ARHGAP28: variants seen among roughly 807,000 people sequenced by gnomAD.
ARHGAP28 encodes the protein rho GTPase-activating protein 28.
In ARHGAP28, 56 loss-of-function variants were observed where a neutral mutation model predicts 90.7. The ratio of observed to expected loss-of-function variants is 0.62; its 90% CI spans 0.50 to 0.77. ARHGAP28 has a LOEUF of 0.77. Ranked by LOEUF, ARHGAP28 falls within the 30% of genes least tolerant of loss-of-function variation. The pLI, the probability that ARHGAP28 is intolerant of heterozygous loss-of-function variation, is 0.00. For missense variants in ARHGAP28, 869 were observed against 900.9 expected (o/e 0.96, Z 0.45); for synonymous variants, 308 against 323.3 (o/e 0.95, Z 0.51).
chr18:6,900,710 C>T (rs189047165), intron 16 of ARHGAP28, among the ~76,000 whole-genome samples: 5 of 152,008 alleles, frequency 3.3e-5, no homozygotes, highest in East Asian at 1.9e-4. Context: ...ATACAATCAG[C>T]GTCCCAAAAG....
At chr18:6,848,002 A>T (rs1007844542) in intron 3 of ARHGAP28, among the ~76,000 whole-genome samples, 12 of 152,194 alleles carry the variant, frequency 7.9e-5, no homozygotes, top group African/African-American at 2.7e-4. Context: ...CATTTAAGCC[A>T]AGGAGCCCCA....
rs374848022 is a variant in ARHGAP28, at chr18:6,870,714, A to G, written c.936A>G (p.Lys312=). 7 of 1,608,762 alleles carry G rather than the reference A, an allele frequency of 4.4e-6. No homozygotes were observed. The African/African-American group carries it at 6.7e-5, about 15-fold the overall frequency. Residue 312 remains lysine, a synonymous_variant, in exon 7 of 18, where the codon AAA becomes AAG. Coordinates refer to ENST00000383472, the MANE Select transcript of ARHGAP28 (RefSeq NM_001366230.1). ...AACTTAAGAAATCAGAGATTAAGAA[A>G]GAAGACTATGTTTTAACTGTAAGCA... ...RNKLKKSEIK[K]EDYVLTKFNV...
intron 10 of ARHGAP28, among the ~76,000 whole-genome samples, chr18:6,879,311 C>G (rs1407544313): frequency 6.6e-6 from 1 of 152,136 alleles, no homozygotes; most frequent in East Asian, 1.9e-4. Context: ...CAAGGCTGTT[C>G]TAAATGTTTT....
At chr18:6,796,956 G>A (rs1008575753) in intron 1 of ARHGAP28, among the ~76,000 whole-genome samples, 1 of 152,104 alleles carries the variant, frequency 6.6e-6, no homozygotes, top group African/African-American at 2.4e-5. Context: ...TAGGTGAAGG[G>A]GTCTGTAAAC....
rs2056651726 is a variant in ARHGAP28, at chr18:6,824,952, A to G, written c.313A>G (p.Thr105Ala). 1 of 1,533,958 alleles carries G rather than the reference A, an allele frequency of 6.5e-7. No individual in the cohort carries two copies. The highest frequency in any genetic ancestry group is 2.0e-5 in the Admixed American group (1 of 50,700). The change falls in exon 2 of 18, where the codon ACA (threonine) becomes GCA (alanine). Residue 105 changes from threonine to alanine, a missense_variant. Transcript: ENST00000383472. ...GQEEPPPAEV[T>A]PVDEGELEAE... ...AGAAGAGCCACCGCCAGCTGAGGTC[A>G]CACCTGTGGATGGTAAGTTGCTGGA...
chr18:6,838,677 A>G (rs938196473), intron 3 of ARHGAP28, among the ~76,000 whole-genome samples: 9 of 152,244 alleles, frequency 5.9e-5, no homozygotes, highest in African/African-American at 2.2e-4. Flanking sequence ...AGTCACATGT[A>G]GCTTGTAGCT....
At position 6,882,122 on chromosome 18, in the gene ARHGAP28, T is replaced by G. The variant is rs2057183535; in HGVS notation, c.1291-15T>G. 2.5e-6 allele frequency: 4 copies of G among 1,604,566 alleles called. No homozygotes were observed. Among genetic ancestry groups the G allele is most frequent in the Non-Finnish European group, 3.4e-6 (4 of 1,174,898 alleles). On this transcript the variant is annotated splice_polypyrimidine_tract_variant and intron_variant, in intron 10 of 17. Coordinates refer to ENST00000383472, the MANE Select transcript of ARHGAP28 (RefSeq NM_001366230.1). Reference sequence around the variant, plus strand: ...AAAAGTGCATTGAATACTGACTGTTTTCCTTGATTTACAGCAATACCGTGA... The same window carrying G: ...AAAAGTGCATTGAATACTGACTGTTGTCCTTGATTTACAGCAATACCGTGA...
At chr18:6,869,204 T>C (rs950160051) in intron 6 of ARHGAP28, among the ~76,000 whole-genome samples, 19 of 151,440 alleles carry the variant, frequency 1.3e-4, no homozygotes, top group Non-Finnish European at 4.4e-5. Flanking sequence ...CTGTTTTGAA[T>C]GCAAGCCCCT....
At chr18:6,855,253 A>T (rs549531655) in intron 4 of ARHGAP28, among the ~76,000 whole-genome samples, 44 of 151,888 alleles carry the variant, frequency 2.9e-4, no homozygotes, top group African/African-American at 1.1e-3. Context: ...CAGAGTGAGG[A>T]CTCCATTGAT....
At chr18:6,846,635 G>A (rs574747707) in intron 3 of ARHGAP28, among the ~76,000 whole-genome samples, 4 of 152,094 alleles carry the variant, frequency 2.6e-5, no homozygotes, top group East Asian at 1.9e-4. Context: ...CACTTGGCCC[G>A]AGGTGTTTGC....
chr18:6,894,386 G>T (rs536246532), intron 14 of ARHGAP28, among the ~76,000 whole-genome samples: 1 of 152,156 alleles, frequency 6.6e-6, no homozygotes, highest in African/African-American at 2.4e-5. Flanking sequence ...AAATATCAGT[G>T]TATGTTCTTT....
Position 6,824,807 on chromosome 18 carries a change from T to C in ARHGAP28, c.168T>C (p.Asn56=). The C allele has an allele frequency of 6.5e-7, 1 of 1,536,366 alleles. No individual in the cohort carries two copies. The highest frequency in any genetic ancestry group is 8.7e-7 in the Non-Finnish European group (1 of 1,146,918). The change falls in exon 2 of 18, where the codon AAT becomes AAC. Residue 56 remains asparagine (N), a synonymous_variant. Transcript: ENST00000383472. ...GAAGAATTAACAGGATGCTCTCCAA[T>C]GAATCCCTCCATCCTCCTGCCTTCA... is the stretch of plus-strand genomic sequence containing the variant. ...RCRRINRMLS[N]ESLHPPAFSR...
At chr18:6,852,764 C>A (rs1567970663) in intron 4 of ARHGAP28, among the ~76,000 whole-genome samples, 1 of 152,198 alleles carries the variant, frequency 6.6e-6, no homozygotes, top group South Asian at 2.1e-4. Context: ...CTAAACCAAA[C>A]TGGGTCGGTT....
chr18:6,865,814 G>A (rs546808786), intron 5 of ARHGAP28, among the ~76,000 whole-genome samples: 1 of 152,220 alleles, frequency 6.6e-6, no homozygotes, highest in South Asian at 2.1e-4. Context: ...TGTAACTAGG[G>A]CAGCAGAGCA....
intron 1 of ARHGAP28, among the ~76,000 whole-genome samples, chr18:6,762,720 G>GA (rs779557454): frequency 3.3e-5 from 5 of 152,008 alleles, no homozygotes; most frequent in Non-Finnish European, 7.4e-5. Flanking sequence ...ACAGAGGGAA[G>GA]ACTAAGTGAG....
intron 5 of ARHGAP28, among the ~76,000 whole-genome samples, chr18:6,867,417 C>T (rs2057045748): frequency 6.6e-6 from 1 of 152,066 alleles, no homozygotes; most frequent in African/African-American, 2.4e-5. Flanking sequence ...AGAGAACTCC[C>T]ACATTAAAAT....
intron 12 of ARHGAP28, among the ~76,000 whole-genome samples, chr18:6,889,532 A>G (rs2143714359): frequency 6.6e-6 from 1 of 152,320 alleles, no homozygotes; most frequent in African/African-American, 2.4e-5. Flanking sequence ...TCACAGCAAA[A>G]CAACCTTTCG....
rs186792349 is a variant in ARHGAP28 at position 6,743,823 on chromosome 18, C to T, written c.122+13880C>T. Among the ~76,000 whole-genome samples, 5 of 152,258 alleles carry T rather than the reference C, an allele frequency of 3.3e-5. No individual in the cohort carries two copies. The East Asian group carries it at 9.6e-4, about 29-fold the overall frequency. The stretch of plus-strand genomic sequence containing the variant: ...GAAATTGAACAAATGTTTATTGAAC[C>T]TCTCTATGCCATATGTGATATTGGA... On this transcript the variant is annotated intron_variant, in intron 1 of 17. Coordinates refer to ENST00000383472, the MANE Select transcript of ARHGAP28 (RefSeq NM_001366230.1).
chr18:6,759,870 C>T (rs1166994567), intron 1 of ARHGAP28, among the ~76,000 whole-genome samples: 1 of 152,134 alleles, frequency 6.6e-6, no homozygotes, highest in Non-Finnish European at 1.5e-5. Context: ...ATTCCTTTTT[C>T]AGAAGGCACT....
Sources: gnomAD v4.1 joint callset for allele counts (sites outside exome capture counted in the v4.1 genomes callset) on GRCh38, gnomAD v4.1.1 for gene constraint, MANE v1.5 for transcripts, NCBI Gene and HGNC (gene_info 2026-07-23, HGNC 2026-07-21) for gene names.